Variants in XPOT observed in about 807,000 individuals in gnomAD.
XPOT encodes exportin-T.
Under a neutral mutation model 128.2 loss-of-function variants are expected in XPOT, and 34 were observed. The observed-to-expected ratio is 0.27, with a 90% CI of 0.20 to 0.35. XPOT has a LOEUF of 0.35. XPOT is among the 10% of genes least tolerant of loss of function. XPOT has a pLI of 1.00. For missense variants in XPOT, 838 were observed against 1,125.3 expected (o/e 0.74, Z 3.65); for synonymous variants, 348 against 394.3 (o/e 0.88, Z 1.39).
rs1310165229 is a variant in XPOT, at chr12:64,430,063, G to A, written c.1752G>A (p.Gln584=). 6.3e-7 allele frequency: 1 copy of A among 1,599,066 alleles called. No individual in the cohort carries two copies. The highest frequency in any genetic ancestry group is 8.5e-7 in the Non-Finnish European group (1 of 1,174,824). ...LELSPPENGH[Q]SLLSSDDQLF... ...TTTCATTCTAGGAGAATGGCCACCAGTCCTTACTGAGCAGCGATGATCAAC... is the reference window on the plus strand; with the variant it reads ...TTTCATTCTAGGAGAATGGCCACCAATCCTTACTGAGCAGCGATGATCAAC... The change falls in exon 17 of 25, where the codon CAG becomes CAA. Residue 584 remains glutamine (Q), a synonymous_variant. Coordinates refer to ENST00000332707, the MANE Select transcript of XPOT (RefSeq NM_007235.6).
chr12:64,406,059 G>T (rs887994936), intron 1 of XPOT, among the ~76,000 whole-genome samples: 3 of 152,074 alleles, frequency 2.0e-5, no homozygotes, highest in African/African-American at 7.2e-5. Flanking sequence ...GCTTCAGAGT[G>T]ACTTGACCAA....
At chr12:64,410,927 A>G (rs2040032883) in intron 2 of XPOT, among the ~76,000 whole-genome samples, 1 of 152,186 alleles carries the variant, frequency 6.6e-6, no homozygotes, top group Admixed American at 6.5e-5. Context: ...ATAGCAAAGA[A>G]TACTTTTTAT....
chr12:64,428,036 T>G lies in XPOT; in HGVS notation c.1668-15T>G. On this transcript the variant is annotated splice_polypyrimidine_tract_variant and intron_variant, in intron 15 of 24. Transcript: ENST00000332707. ...GCACTGTTATTAATTGTGATTTCCT[T>G]TTTCTGTTTTTCAGTAAGCAAATGA... The G allele has an allele frequency of 6.6e-7, 1 of 1,512,562 alleles. No homozygotes were observed. The highest frequency in any genetic ancestry group is 9.2e-7 in the Non-Finnish European group (1 of 1,092,324). The allele number at this position is 1,512,562 out of a possible 1,614,324, so 93.7% of individuals were successfully genotyped here. A position where few individuals can be genotyped will look rare whatever the true frequency, so the allele number is the denominator to read the frequency against.
intron 3 of XPOT, 104 bp from the exon 4 acceptor site, chr12:64,416,594 A>G (rs1490438594): frequency 1.2e-6 from 1 of 849,270 alleles, no homozygotes; most frequent in East Asian, 2.4e-5. Context: ...CCAAAGGTCT[A>G]GTTTGAGAAA....
chr12:64,420,014 T>C, intron 6 of XPOT, 56 bp from the exon 7 acceptor site: 1 of 1,477,526 alleles, frequency 6.8e-7, no homozygotes, highest in South Asian at 1.4e-5. Flanking sequence ...TATATTCAGA[T>C]ATCAAACATG....
In XPOT at chr12:64,449,624, C is replaced by T. The variant is rs1340759795; in HGVS notation, c.*1493C>T. ...TACATTTATTTTGTTCCGGTTAATT[C>T]CAGAAGACATTTCAAACATTTTTCT... is the stretch of plus-strand genomic sequence containing the variant. On this transcript the variant is annotated 3_prime_UTR_variant, in exon 25 of 25. Transcript: ENST00000332707. 5 of 152,080 alleles carry T rather than the reference C, an allele frequency of 3.3e-5. No homozygotes were observed. The East Asian group carries it at 5.8e-4, about 18-fold the overall frequency. The allele number at this position is 152,080 out of a possible 1,614,324, so 9.4% of individuals were successfully genotyped here.
chr12:64,418,971 C>T lies in XPOT; in HGVS notation c.366C>T (p.Pro122=). The T allele has an allele frequency of 6.2e-7, 1 of 1,614,036 alleles. No individual in the cohort carries two copies. Among genetic ancestry groups the T allele is most frequent in the Non-Finnish European group, 8.5e-7 (1 of 1,180,006 alleles). ...LFVTEYLTKW[P]KFFFDILSVV... is the part of the protein sequence containing the mutation. ...TTACAGAGTATCTCACTAAGTGGCC[C>T]AAGTTTTTTTTTGACATTCTCTCAG... is the stretch of plus-strand genomic sequence containing the variant. The change falls in exon 6 of 25, where the codon CCC becomes CCT. Residue 122 remains proline (P), a synonymous_variant. Transcript: ENST00000332707.
Position 64,433,545 on chromosome 12 carries a change from C to T in XPOT, c.2394C>T (p.Tyr798=), listed in dbSNP as rs780607548. ...ALEKQMLRRS[Y]FAFLQTVTGS... ...AGAAGCAGATGTTGCGGAGGAGTTA[C>T]TTTGCTTTCCTGCAAACAGTCACAG... The change falls in exon 19 of 25, where the codon TAC becomes TAT. Residue 798 remains tyrosine, a synonymous_variant. Transcript: ENST00000332707. The T allele has an allele frequency of 5.6e-5, 90 of 1,612,824 alleles. No homozygotes were observed. The highest frequency in any genetic ancestry group is 7.4e-5 in the Non-Finnish European group (87 of 1,179,300).
chr12:64,433,667 G>T, intron 19 of XPOT, 64 bp downstream of exon 19: 1 of 1,407,984 alleles, frequency 7.1e-7, no homozygotes, highest in South Asian at 1.7e-5. Flanking sequence ...ACATCTATAT[G>T]ACCAAGAGCA....
chr12:64,416,565 C>A, intron 3 of XPOT, 133 bp from the exon 4 acceptor site: 2 of 624,326 alleles, frequency 3.2e-6, no homozygotes, highest in Non-Finnish European at 5.6e-6. Flanking sequence ...TAAAATGAGA[C>A]CAGTAAGTAT....
At chr12:64,418,748 T>A (rs2040110842) in intron 5 of XPOT, 128 bp from the exon 6 acceptor site, 1 of 698,946 alleles carries the variant, frequency 1.4e-6, no homozygotes, top group South Asian at 1.9e-5. Flanking sequence ...TTTTGAAGAG[T>A]ATTTGTTGCA....
intron 15 of XPOT, among the ~76,000 whole-genome samples, chr12:64,427,771 G>A (rs2040205616): frequency 6.6e-6 from 1 of 152,146 alleles, no homozygotes. Context: ...TTACAGAAAT[G>A]AGCCACTGCA....
intron 16 of XPOT, among the ~76,000 whole-genome samples, chr12:64,428,509 A>G (rs1450957954): frequency 6.6e-6 from 1 of 152,116 alleles, no homozygotes; most frequent in Non-Finnish European, 1.5e-5. Context: ...AGCCATTCTT[A>G]GCAGCTGCTA....
At chr12:64,410,882 G>A (rs1316848401) in intron 2 of XPOT, among the ~76,000 whole-genome samples, 1 of 152,108 alleles carries the variant, frequency 6.6e-6, no homozygotes, top group African/African-American at 2.4e-5. Flanking sequence ...TATAGGGTAA[G>A]TGGAAAGGAA....
At chr12:64,406,222 C>T (rs948202867) in intron 1 of XPOT, among the ~76,000 whole-genome samples, 2 of 148,444 alleles carry the variant, frequency 1.3e-5, no homozygotes, top group Non-Finnish European at 3.0e-5. Flanking sequence ...ATTACAGGCG[C>T]AGGCCACCAT....
At chr12:64,438,100 GGTGGAT>G (rs2040297229) in intron 22 of XPOT, among the ~76,000 whole-genome samples, 1 of 152,186 alleles carries the variant, frequency 6.6e-6, no homozygotes, top group Non-Finnish European at 1.5e-5. Flanking sequence ...AAACAGTCAA[GGTGGAT>G]GTGGATGAAG....
At chr12:64,410,195 A>C (rs2040024935) in intron 2 of XPOT, 100 bp downstream of exon 2, 1 of 1,055,902 alleles carries the variant, frequency 9.5e-7, no homozygotes, top group Non-Finnish European at 1.4e-6. Context: ...CTTTGGGTAG[A>C]AATGAACAGA....
At chr12:64,430,869 G>C (rs1170968445) in intron 17 of XPOT, among the ~76,000 whole-genome samples, 1 of 152,254 alleles carries the variant, frequency 6.6e-6, no homozygotes, top group East Asian at 1.9e-4. Context: ...CCTAGTACAG[G>C]CCTAGTCATA....
chr12:64,425,943 A>AT, intron 15 of XPOT, 34 bp downstream of exon 15: 1 of 1,573,206 alleles, frequency 6.4e-7, no homozygotes, highest in Non-Finnish European at 8.7e-7. Context: ...ATGTTTAGTT[A>AT]TTTTTTAAGT....
Sources: gnomAD v4.1 joint callset for allele counts (sites outside exome capture counted in the v4.1 genomes callset) on GRCh38, gnomAD v4.1.1 for gene constraint, MANE v1.5 for transcripts, NCBI Gene and HGNC (gene_info 2026-07-23, HGNC 2026-07-21) for gene names.